The following HS6ST3 variants were observed in gnomAD, a reference collection of about 807,000 sequenced individuals.
HS6ST3 encodes the protein heparan-sulfate 6-O-sulfotransferase 3.
A neutral mutation model predicts 36.7 loss-of-function variants in HS6ST3; 12 were observed. That is an observed-to-expected ratio of 0.33 (90% CI 0.21 to 0.53). HS6ST3 has a LOEUF of 0.53. HS6ST3 is among the 20% of genes least tolerant of loss of function. The pLI, the probability that HS6ST3 is intolerant of heterozygous loss-of-function variation, is 0.95. For synonymous variants in HS6ST3, 240 were observed against 257.5 expected (o/e 0.93, Z 0.65); for missense variants, 584 against 640.9 (o/e 0.91, Z 0.96).
At chr13:96,197,395 A>G (rs1192599260) in intron 1 of HS6ST3, among the ~76,000 whole-genome samples, 1 of 152,132 alleles carries the variant, frequency 6.6e-6, no homozygotes, top group Non-Finnish European at 1.5e-5. Context: ...CTCCCACAAC[A>G]TGTGGGAATT....
chr13:96,099,258 T>C lies in HS6ST3; in HGVS notation c.707+7689T>C, dbSNP rs114820257. ...CACCCCAACACATATATGTTGTTTTTATGTAAAAATAAAATGATAGCTAAA... is the reference window on the plus strand; with the variant it reads ...CACCCCAACACATATATGTTGTTTTCATGTAAAAATAAAATGATAGCTAAA... On this transcript the variant is annotated intron_variant, in intron 1 of 1. Coordinates refer to ENST00000376705, the MANE Select transcript of HS6ST3 (RefSeq NM_153456.4). Among the ~76,000 whole-genome samples the C allele has an allele frequency of 9.3e-3, 1,416 of 152,298 alleles. 28 individuals are homozygous for C. The highest frequency in any genetic ancestry group is 0.033 in the African/African-American group (1,358 of 41,552).
At chr13:96,260,411 A>C (rs1380920681) in intron 1 of HS6ST3, among the ~76,000 whole-genome samples, 3 of 151,522 alleles carry the variant, frequency 2.0e-5, no homozygotes, top group Non-Finnish European at 4.4e-5. Flanking sequence ...TCCTGGGTTC[A>C]AGCCATTCTC....
At chr13:96,092,706 A>G (rs1185664767) in intron 1 of HS6ST3, among the ~76,000 whole-genome samples, 1 of 152,222 alleles carries the variant, frequency 6.6e-6, no homozygotes, top group East Asian at 1.9e-4. Context: ...AGCTTCATTT[A>G]CTGGAAGCTA....
At chr13:96,389,210 T>TA (rs2055383610) in intron 1 of HS6ST3, among the ~76,000 whole-genome samples, 1 of 152,128 alleles carries the variant, frequency 6.6e-6, no homozygotes, top group East Asian at 1.9e-4. Context: ...TGACTGTGGT[T>TA]AACAAAACTG....
At chr13:96,704,876 T>C (rs747836935) in intron 1 of HS6ST3, among the ~76,000 whole-genome samples, 9 of 152,332 alleles carry the variant, frequency 5.9e-5, no homozygotes, top group Middle Eastern at 6.8e-3. Context: ...TGGGATTCCA[T>C]AGGGGTGCTA....
chr13:96,820,260 CAAAT>C (rs1348608982), intron 1 of HS6ST3, among the ~76,000 whole-genome samples: 2 of 152,162 alleles, frequency 1.3e-5, no homozygotes, highest in Admixed American at 6.5e-5. Context: ...AAAAGTTAGA[CAAAT>C]AAAAATTTGC....
chr13:96,705,127 G>T (rs1468622748), intron 1 of HS6ST3, among the ~76,000 whole-genome samples: 1 of 152,028 alleles, frequency 6.6e-6, no homozygotes. Flanking sequence ...CTGACACATT[G>T]TTATCACCCA....
intron 1 of HS6ST3, among the ~76,000 whole-genome samples, chr13:96,771,284 G>T: frequency 8.8e-6 from 1 of 113,166 alleles, no homozygotes; most frequent in East Asian, 3.3e-4. Flanking sequence ...GGTGGGGGGA[G>T]GGAGGAGGGA....
At chr13:96,735,770 GTT>G (rs1285621030) in intron 1 of HS6ST3, among the ~76,000 whole-genome samples, 1 of 152,140 alleles carries the variant, frequency 6.6e-6, no homozygotes, top group Non-Finnish European at 1.5e-5. Flanking sequence ...AGTTTAAGCT[GTT>G]TAAACTCACC....
At chr13:96,378,680 T>G (rs2055326223) in intron 1 of HS6ST3, among the ~76,000 whole-genome samples, 1 of 152,148 alleles carries the variant, frequency 6.6e-6, no homozygotes, top group Admixed American at 6.6e-5. Context: ...AGCCCTTGTT[T>G]TTGTTCCCTA....
At chr13:96,447,856 C>T (rs889009082) in intron 1 of HS6ST3, among the ~76,000 whole-genome samples, 16 of 152,158 alleles carry the variant, frequency 1.1e-4, no homozygotes, top group Non-Finnish European at 1.8e-4. Context: ...GAGCTTCTTC[C>T]TTCTGTCTTC....
chr13:96,670,774 C>T (rs767669651), intron 1 of HS6ST3, among the ~76,000 whole-genome samples: 1 of 152,114 alleles, frequency 6.6e-6, no homozygotes, highest in African/African-American at 2.4e-5. Flanking sequence ...AAAACATTGG[C>T]CCTTGGAAGA....
intron 1 of HS6ST3, among the ~76,000 whole-genome samples, chr13:96,502,564 C>T (rs2056009365): frequency 1.3e-5 from 2 of 152,056 alleles, no homozygotes; most frequent in African/African-American, 4.8e-5. Context: ...GATGAAGTCC[C>T]AGTCTCTTAG....
chr13:96,547,341 CA>C (rs555756604), intron 1 of HS6ST3, among the ~76,000 whole-genome samples: 418 of 152,292 alleles, frequency 2.7e-3, no homozygotes, highest in African/African-American at 9.4e-3. Context: ...ACAATTCTAG[CA>C]TTTCTTTTCT....
At chr13:96,361,016 C>T (rs1253943352) in intron 1 of HS6ST3, among the ~76,000 whole-genome samples, 1 of 150,806 alleles carries the variant, frequency 6.6e-6, no homozygotes, top group African/African-American at 2.4e-5. Flanking sequence ...GAGTGCTTAA[C>T]CAAAAGACTA....
At chr13:96,358,246 C>T (rs2055219780) in intron 1 of HS6ST3, among the ~76,000 whole-genome samples, 1 of 151,412 alleles carries the variant, frequency 6.6e-6, no homozygotes, top group Admixed American at 6.6e-5. Flanking sequence ...CAAGGATCAT[C>T]AGTGAATACT....
chr13:96,365,870 G>T (rs1036627403), intron 1 of HS6ST3, among the ~76,000 whole-genome samples: 3 of 152,126 alleles, frequency 2.0e-5, no homozygotes, highest in African/African-American at 7.2e-5. Flanking sequence ...CTTACTAGCT[G>T]ATACACTTGG....
intron 1 of HS6ST3, among the ~76,000 whole-genome samples, chr13:96,437,702 G>A (rs1347914323): frequency 6.6e-6 from 1 of 152,208 alleles, no homozygotes; most frequent in African/African-American, 2.4e-5. Flanking sequence ...ATTTCAGATT[G>A]AGGCATTGCC....
chr13:96,617,423 G>A (rs923408645), intron 1 of HS6ST3, among the ~76,000 whole-genome samples: 5 of 152,168 alleles, frequency 3.3e-5, no homozygotes, highest in Non-Finnish European at 5.9e-5. Context: ...CAATAGTGAA[G>A]CTAGTTCAAA....
Sources: gnomAD v4.1 joint callset for allele counts (sites outside exome capture counted in the v4.1 genomes callset) on GRCh38, gnomAD v4.1.1 for gene constraint, MANE v1.5 for transcripts, NCBI Gene and HGNC (gene_info 2026-07-23, HGNC 2026-07-21) for gene names.